Variants in UBN1 observed in about 807,000 individuals in gnomAD.
The protein encoded by UBN1 is ubinuclein 1, also known as ubinuclein-1.
UBN1 carries 17 observed loss-of-function variants against 108.5 expected under a neutral mutation model. The observed-to-expected ratio is 0.16, with a 90% CI of 0.11 to 0.24. The LOEUF (loss-of-function observed/expected upper bound fraction) is 0.24, where lower values mean the gene tolerates loss of function less well. Among genes scored for constraint, UBN1 ranks in the 10% least tolerant of loss-of-function variants. UBN1 has a pLI of 1.00. For synonymous variants in UBN1, 726 were observed against 564.2 expected (o/e 1.29, Z -4.07); for missense variants, 1,595 against 1,394.4 (o/e 1.14, Z -2.29).
chr16:4,847,539 G>T lies in UBN1; in HGVS notation c.-711G>T. On this transcript the variant is annotated 5_prime_UTR_variant, in exon 1 of 18. Transcript: ENST00000262376. ...GAAGCGCCCGCGGTCTGAGGCGGCG[G>T]CGGCGGCGACGGTGCGACCGGCTGA... 1 of 465,308 alleles carries T rather than the reference G, an allele frequency of 2.1e-6. No individual in the cohort carries two copies. The highest frequency in any genetic ancestry group is 3.8e-6 in the Non-Finnish European group (1 of 264,968). The allele number at this position is 465,308 out of a possible 1,614,324, so 28.8% of individuals were successfully genotyped here. A position where few individuals can be genotyped will look rare whatever the true frequency, so the allele number is the denominator to read the frequency against.
intron 7 of UBN1, among the ~76,000 whole-genome samples, chr16:4,861,757 C>T (rs1451131151): frequency 6.6e-6 from 1 of 152,214 alleles, no homozygotes; most frequent in Non-Finnish European, 1.5e-5. Flanking sequence ...GCCTGGCCAA[C>T]ATGGTGAAAC....
At chr16:4,865,193 T>C (rs1157443505) in intron 7 of UBN1, among the ~76,000 whole-genome samples, 1 of 152,242 alleles carries the variant, frequency 6.6e-6, no homozygotes. Context: ...ATTGCTCTTT[T>C]AATTAGATTT....
Position 4,848,089 on chromosome 16 carries a change from G to GCCGC in UBN1, c.-152_-149dup, listed in dbSNP as rs1428628003. On this transcript the variant is annotated 5_prime_UTR_variant, in exon 1 of 18. An upstream open reading frame in the 5' UTR loses its in-frame stop. Coordinates refer to ENST00000262376, the MANE Select transcript of UBN1 (RefSeq NM_001079514.3). ...GACCCGGCCATGGGCCGAGGCGCGGGCCGCCCGCCCGCTGGGAGCCACGGC... is the reference window on the plus strand; with the variant it reads ...GACCCGGCCATGGGCCGAGGCGCGGGCCGCCCGCCCGCCCGCTGGGAGCCACGGC... 1 of 152,004 alleles carries GCCGC rather than the reference G, an allele frequency of 6.6e-6. No homozygotes were observed. Among genetic ancestry groups the GCCGC allele is most frequent in the African/African-American group, 2.4e-5 (1 of 41,410 alleles). The allele number at this position is 152,004 out of a possible 1,614,324, so 9.4% of individuals were successfully genotyped here.
Position 4,875,068 on chromosome 16 carries a change from A to G in UBN1, c.2658A>G (p.Pro886=), listed in dbSNP as rs761774860. ...CGTCCTCTTCTGCCCTGAGCCATCC[A>G]GCAAAGCCACATTCAGTCAGCTCTG... ...PASSSSALSH[P]AKPHSVSSAG... is the part of the protein sequence containing the mutation. Residue 886 remains proline (P), a synonymous_variant, in exon 15 of 18, where the codon CCA becomes CCG. Coordinates refer to ENST00000262376, the MANE Select transcript of UBN1 (RefSeq NM_001079514.3). 2.5e-6 allele frequency: 4 copies of G among 1,613,926 alleles called. No individual in the cohort carries two copies. Among genetic ancestry groups the G allele is most frequent in the South Asian group, 2.2e-5 (2 of 91,094 alleles).
chr16:4,878,519 C>T (rs1002485671), intron 17 of UBN1, among the ~76,000 whole-genome samples: 3 of 152,158 alleles, frequency 2.0e-5, no homozygotes, highest in Non-Finnish European at 2.9e-5. Flanking sequence ...CTGTAAATCT[C>T]CACAATGGAA....
Position 4,875,312 on chromosome 16 carries a change from G to T in UBN1, c.2902G>T (p.Ala968Ser). Residue 968 changes from alanine (A) to serine (S), a missense_variant, in exon 15 of 18, where the codon GCC (alanine) becomes TCC (serine). Ala to Ser is a moderately conservative substitution (Grantham distance 99, BLOSUM62 1). Around this residue, in one of 3 missense-constraint regions of UBN1, gnomAD observed 1,398 missense variants for 1,194.7 expected, o/e 1.17. Coordinates refer to ENST00000262376, the MANE Select transcript of UBN1 (RefSeq NM_001079514.3). ...TGTTTCCCAGAAGTTGACTCTGGTA[G>T]CCCCTCCAGGCGGTCCAAACGGAGA... ...MPVSQKLTLV[A>S]PPGGPNGDSS... The T allele has an allele frequency of 6.2e-7, 1 of 1,614,222 alleles. No individual in the cohort carries two copies. The highest frequency in any genetic ancestry group is 8.5e-7 in the Non-Finnish European group (1 of 1,180,046).
chr16:4,874,472 G>C lies in UBN1; in HGVS notation c.2062G>C (p.Ala688Pro). The change falls in exon 15 of 18, where the codon GCT (alanine) becomes CCT (proline). Residue 688 changes from alanine (A) to proline (P), a missense_variant. Ala to Pro is a conservative substitution (Grantham distance 27). Transcript: ENST00000262376. ...ATTGGCTGCATTGAATAGCAGAGCA[G>C]CTGGGAACTCTGAATTCACACTGCC... ...KELAALNSRA[A>P]GNSEFTLPAP... 5 of 1,614,242 alleles carry C rather than the reference G, an allele frequency of 3.1e-6. No homozygotes were observed. The highest frequency in any genetic ancestry group is 4.2e-6 in the Non-Finnish European group (5 of 1,180,046).
chr16:4,864,740 G>C (rs906276318), intron 7 of UBN1, among the ~76,000 whole-genome samples: 1 of 152,128 alleles, frequency 6.6e-6, no homozygotes, highest in African/African-American at 2.4e-5. Context: ...ATAACATAGA[G>C]ACAATACTAA....
At chr16:4,873,195 G>A in intron 14 of UBN1, 122 bp downstream of exon 14, 1 of 1,395,996 alleles carries the variant, frequency 7.2e-7, no homozygotes, top group Non-Finnish European at 1.0e-6. Flanking sequence ...AGCTGCTCAG[G>A]ATGACATTCT....
intron 2 of UBN1, among the ~76,000 whole-genome samples, chr16:4,854,867 C>T (rs909110646): frequency 1.3e-4 from 19 of 151,686 alleles, no homozygotes; most frequent in African/African-American, 2.4e-4. Flanking sequence ...GGACTACAGG[C>T]GCCCGCCACC....
In UBN1 at chr16:4,857,963, A is replaced by G. The variant is rs778654299; in HGVS notation, c.250-27A>G. 52 of 1,539,144 alleles carry G rather than the reference A, an allele frequency of 3.4e-5. 1 individual carries two copies. The highest frequency in any genetic ancestry group is 5.5e-5 in the Admixed American group (3 of 54,906). On this transcript the variant is annotated intron_variant, in intron 2 of 17. Transcript: ENST00000262376. ...AGAACATGGGAATATTTTCTGACTTATTTTTTGTGGAACGATCTCTTTACA... is the reference window on the plus strand; with the variant it reads ...AGAACATGGGAATATTTTCTGACTTGTTTTTTGTGGAACGATCTCTTTACA...
intron 15 of UBN1, among the ~76,000 whole-genome samples, chr16:4,876,384 A>G (rs1038982100): frequency 3.3e-5 from 5 of 152,094 alleles, no homozygotes; most frequent in Non-Finnish European, 2.9e-5. Flanking sequence ...TTTCTGGTTT[A>G]TTTTCCTCTT....
Position 4,853,167 on chromosome 16 carries a change from GTA to G in UBN1, c.249+2_249+3del. 1 of 1,613,982 alleles carries G rather than the reference GTA, an allele frequency of 6.2e-7. No homozygotes were observed. Among genetic ancestry groups the G allele is most frequent in the South Asian group, 1.1e-5 (1 of 91,078 alleles). Reference sequence around the variant, plus strand: ...AAAAGGCCTTCAGCCTGGAGATAAGGTACACCCCTTTGTTCCCAGAGGCGCTG... The same window carrying G: ...AAAAGGCCTTCAGCCTGGAGATAAGGCACCCCTTTGTTCCCAGAGGCGCTG... On this transcript the variant is annotated splice_donor_variant and splice_donor_region_variant and intron_variant, in intron 2 of 17. Coordinates refer to ENST00000262376, the MANE Select transcript of UBN1 (RefSeq NM_001079514.3). LOFTEE classifies it high-confidence loss of function.
intron 12 of UBN1, among the ~76,000 whole-genome samples, chr16:4,871,581 T>C (rs1229084406): frequency 4.7e-5 from 2 of 42,108 alleles, no homozygotes; most frequent in South Asian, 1.1e-3. Flanking sequence ...CTTTCCTTTT[T>C]TTTTTTTTTT....
At position 4,847,537 on chromosome 16, in the gene UBN1, C is replaced by A; in HGVS notation, c.-713C>A. ...ACGAAGCGCCCGCGGTCTGAGGCGG[C>A]GGCGGCGGCGACGGTGCGACCGGCT... On this transcript the variant is annotated 5_prime_UTR_variant, in exon 1 of 18. Transcript: ENST00000262376. 1 of 462,302 alleles carries A rather than the reference C, an allele frequency of 2.2e-6. No individual in the cohort carries two copies. The highest frequency in any genetic ancestry group is 4.1e-5 in the East Asian group (1 of 24,108). The allele number at this position is 462,302 out of a possible 1,614,324, so 28.6% of individuals were successfully genotyped here.
rs775900404 is a variant in UBN1 at position 4,852,992 on chromosome 16, G to T, written c.75G>T (p.Arg25=). The change falls in exon 2 of 18, where the codon CGG becomes CGT. Residue 25 remains arginine (R), a synonymous_variant. Coordinates refer to ENST00000262376, the MANE Select transcript of UBN1 (RefSeq NM_001079514.3). ...ATCCTGCGTTTTTGAAGAAGTCCCG[G>T]AAGGAGGAGGCTGGGGCAGGAGAAC... ...SLNPAFLKKS[R]KEEAGAGEQH... is the part of the protein sequence containing the mutation. The T allele has an allele frequency of 4.3e-6, 7 of 1,614,108 alleles. No homozygotes were observed. The highest frequency in any genetic ancestry group is 4.5e-5 in the East Asian group (2 of 44,904).
In UBN1 at chr16:4,875,150, T is replaced by C; in HGVS notation, c.2740T>C (p.Ser914Pro). Residue 914 changes from serine to proline, a missense_variant, in exon 15 of 18, where the codon TCT becomes CCT. Transcript: ENST00000262376. ...CAGCTCAATCTCCAAACATGGGGTT[T>C]CTTCTGGCAGCTCTTCCTCGGGAGG... ...FASSISKHGV[S>P]SGSSSSGGTP... The C allele has an allele frequency of 6.2e-7, 1 of 1,614,240 alleles. No homozygotes were observed. The highest frequency in any genetic ancestry group is 8.5e-7 in the Non-Finnish European group (1 of 1,180,046).
At chr16:4,860,416 C>A (rs2087004534) in intron 6 of UBN1, among the ~76,000 whole-genome samples, 1 of 152,202 alleles carries the variant, frequency 6.6e-6, no homozygotes, top group African/African-American at 2.4e-5. Flanking sequence ...TTCAGCCTGG[C>A]AGTGGTTTCT....
intron 5 of UBN1, among the ~76,000 whole-genome samples, chr16:4,859,380 C>CA (rs2086954025): frequency 6.6e-6 from 1 of 152,214 alleles, no homozygotes; most frequent in African/African-American, 2.4e-5. Flanking sequence ...GTCCATGTCA[C>CA]ATGACATCCC....
Sources: gnomAD v4.1 joint callset for allele counts (sites outside exome capture counted in the v4.1 genomes callset) on GRCh38, gnomAD v4.1.1 for gene constraint, gnomAD v4.1.1 regional missense constraint, MANE v1.5 for transcripts, NCBI Gene and HGNC (gene_info 2026-07-23, HGNC 2026-07-21) for gene names.